The following PCDH12 variants were observed in gnomAD, a reference collection of about 807,000 sequenced individuals.
PCDH12 encodes protocadherin 12, also known as protocadherin-12.
Under a neutral mutation model 70.9 loss-of-function variants are expected in PCDH12, and 45 were observed. The ratio of observed to expected loss-of-function variants is 0.63; its 90% confidence interval spans 0.50 to 0.81. The LOEUF is 0.81. PCDH12 is among the 40% of genes least tolerant of loss of function. The pLI, the probability that PCDH12 is intolerant of heterozygous loss-of-function variation, is 0.00. For missense variants in PCDH12, 1,370 were observed against 1,491.7 expected, an observed-to-expected ratio of 0.92 and a Z score of 1.34; for synonymous variants, 567 against 626.0, an observed-to-expected ratio of 0.91 and a Z score of 1.41.
intron 1 of PCDH12, among the ~76,000 whole-genome samples, chr5:141,951,936 A>G (rs1209341394): frequency 6.6e-6 from 1 of 152,230 alleles, no homozygotes; most frequent in Non-Finnish European, 1.5e-5. Flanking sequence ...TGTTACTTTG[A>G]TGAAGATTAT....
Position 141,949,525 on chromosome 5 carries a change from C to G in PCDH12, c.3037G>C (p.Glu1013Gln). The G allele has an allele frequency of 6.2e-7, 1 of 1,614,188 alleles. No homozygotes were observed. Among genetic ancestry groups the G allele is most frequent in the Non-Finnish European group, 8.5e-7 (1 of 1,180,032 alleles). ...GGATCCAAAGGCCCTTCCTCCTGTTCTGGGTCTGTCTGGCCTCCAGCCCTT... is the reference window on the plus strand; with the variant it reads ...GGATCCAAAGGCCCTTCCTCCTGTTGTGGGTCTGTCTGGCCTCCAGCCCTT... ...SARAGGQTDP[E>Q]QEEGPLDPEE... The change falls in exon 3 of 4, where the codon GAA becomes CAA. Residue 1013 changes from glutamate (E) to glutamine (Q), a missense_variant. By Grantham distance (29) the Glu-to-Gln change is conservative. Transcript: ENST00000231484.
chr5:141,957,500 G>A lies in PCDH12; in HGVS notation c.352C>T (p.Leu118=). 2 of 1,614,072 alleles carry A rather than the reference G, an allele frequency of 1.2e-6. No homozygotes were observed. Among genetic ancestry groups the A allele is most frequent in the East Asian group, 4.5e-5 (2 of 44,884 alleles). Residue 118 remains leucine (L), a synonymous_variant, in exon 1 of 4, where the codon CTG becomes TTG. Coordinates refer to ENST00000231484, the MANE Select transcript of PCDH12 (RefSeq NM_016580.4). The surrounding 1 kb of genome is among the most constrained non-coding windows in gnomAD (Gnocchi z 4.3). ...FDVLATGDLA[L]IHVEIQVLDI... is the part of the protein sequence containing the mutation. ...AGCACTTGGATCTCCACATGGATCA[G>A]AGCCAAATCCCCTGTGGCAAGCACA...
At chr5:141,948,649 C>T (rs115247752) in intron 3 of PCDH12, among the ~76,000 whole-genome samples, 1,586 of 152,276 alleles carry the variant, frequency 0.01, 30 homozygotes, top group African/African-American at 0.036. Flanking sequence ...ACACACCAAA[C>T]GCCAATGAGT....
At position 141,956,426 on chromosome 5, in the gene PCDH12, A is replaced by G; in HGVS notation, c.1426T>C (p.Ser476Pro). 6.2e-7 allele frequency: 1 copy of G among 1,614,110 alleles called. No homozygotes were observed. The highest frequency in any genetic ancestry group is 8.5e-7 in the Non-Finnish European group (1 of 1,180,020). ...EVSTRENNLP[S>P]LHLITIKAHD... ...GCCTTGATGGTAATGAGGTGAAGAGAGGGTAAGTTGTTTTCCCGCGTGGAG... is the reference window on the plus strand; with the variant it reads ...GCCTTGATGGTAATGAGGTGAAGAGGGGGTAAGTTGTTTTCCCGCGTGGAG... Residue 476 changes from serine (S) to proline (P), a missense_variant, in exon 1 of 4, where the codon TCT becomes CCT. By Grantham distance (74) the Ser-to-Pro change is moderately conservative (BLOSUM62 -1). Transcript: ENST00000231484.
chr5:141,945,905 G>C, intron 3 of PCDH12, 100 bp from the exon 4 acceptor site: 1 of 1,110,390 alleles, frequency 9.0e-7, no homozygotes, highest in Non-Finnish European at 1.3e-6. Flanking sequence ...GGACAAAGGA[G>C]GGAAGGGAAA....
Position 141,956,857 on chromosome 5 carries a change from A to T in PCDH12, c.995T>A (p.Ile332Asn), listed in dbSNP as rs146725009. 75 of 1,614,230 alleles carry T rather than the reference A, an allele frequency of 4.6e-5. No individual in the cohort carries two copies. In the East Asian group the frequency reaches 1.0e-3, roughly 23 times the overall value. Residue 332 changes from isoleucine to asparagine, a missense_variant, in exon 1 of 4, where the codon ATC (isoleucine) becomes AAC (asparagine). Ile to Asn is a moderately radical substitution (Grantham distance 149). Coordinates refer to ENST00000231484, the MANE Select transcript of PCDH12 (RefSeq NM_016580.4). ...VQARDLGPNP[I>N]PAHCKVLIKV... ...GATGAGAACTTTGCAATGGGCTGGG[A>T]TAGGATTGGGACCCAGGTCCCTTGC...
Position 141,949,426 on chromosome 5 carries a change from C to T in PCDH12, c.3130+6G>A, listed in dbSNP as rs760570780. 6.2e-7 allele frequency: 1 copy of T among 1,610,964 alleles called. No homozygotes were observed. Among genetic ancestry groups the T allele is most frequent in the Non-Finnish European group, 8.5e-7 (1 of 1,178,290 alleles). On this transcript the variant is annotated splice_donor_region_variant and intron_variant, in intron 3 of 3. Transcript: ENST00000231484. ...CAGGGTCAAGGTAACTCCAGGGGGT[C>T]CCTACCTGTGCTGGGGTCCAGCAGA...
In PCDH12 at chr5:141,956,069, G is replaced by A. The variant is rs1561536363; in HGVS notation, c.1783C>T (p.Pro595Ser). The A allele has an allele frequency of 1.2e-6, 2 of 1,614,208 alleles. No homozygotes were observed. The highest frequency in any genetic ancestry group is 1.7e-6 in the Non-Finnish European group (2 of 1,180,036). The change falls in exon 1 of 4, where the codon CCC (proline) becomes TCC (serine). Residue 595 changes from proline (P) to serine (S), a missense_variant. Transcript: ENST00000231484. ...TGHLLVPIET[P>S]NGLGPAGTDT... ...GTGCCCGCTGGGCCCAAGCCATTGG[G>A]AGTCTCGATGGGCACCAGCAGGTGG...
Position 141,955,254 on chromosome 5 carries a change from G to A in PCDH12, c.2598C>T (p.Pro866=), listed in dbSNP as rs148879785. ...RNASRENLNL[P]EPQPATGQPR... ...GCTGGCCTGTGGCAGGCTGGGGCTC[G>A]GGAAGGTTCAGGTTCTCCCGGGAGG... The change falls in exon 1 of 4, where the codon CCC becomes CCT. Residue 866 remains proline, a synonymous_variant. Transcript: ENST00000231484. This position sits in a 1 kb window ranked among gnomAD's most constrained non-coding sequence, Gnocchi z 5.5. 1.5e-5 allele frequency: 25 copies of A among 1,614,204 alleles called. No individual in the cohort carries two copies. The highest frequency in any genetic ancestry group is 1.2e-4 in the African/African-American group (9 of 75,042).
In PCDH12 at chr5:141,944,623, G is replaced by A. The variant is rs1276590940; in HGVS notation, c.*758C>T. 6.6e-6 allele frequency: 1 copy of A among 152,170 alleles called. No individual in the cohort carries two copies. The highest frequency in any genetic ancestry group is 1.5e-5 in the Non-Finnish European group (1 of 68,044). The allele number at this position is 152,170 out of a possible 1,614,324, so 9.4% of individuals were successfully genotyped here. A position where few individuals can be genotyped will look rare whatever the true frequency, so the allele number is the denominator to read the frequency against. On this transcript the variant is annotated 3_prime_UTR_variant, in exon 4 of 4. Transcript: ENST00000231484. ...TGACCTCTCCAAGCCCCATATCCGTGTCTGTGAAATGGGGTTAATAATACC... is the reference window on the plus strand; with the variant it reads ...TGACCTCTCCAAGCCCCATATCCGTATCTGTGAAATGGGGTTAATAATACC...
chr5:141,955,964 C>T lies in PCDH12; in HGVS notation c.1888G>A (p.Ala630Thr). Reference protein sequence around the residue: ...TIVARDADSGANGEPLYSIRS... With the variant: ...TIVARDADSGTNGEPLYSIRS... Reference sequence around the variant, plus strand: ...ATGCTGTAGAGGGGCTCTCCATTTGCCCCCGAGTCTGCATCTCTTGCCACA... The same window carrying T: ...ATGCTGTAGAGGGGCTCTCCATTTGTCCCCGAGTCTGCATCTCTTGCCACA... The change falls in exon 1 of 4, where the codon GCA (alanine) becomes ACA (threonine). Residue 630 changes from alanine to threonine, a missense_variant. Coordinates refer to ENST00000231484, the MANE Select transcript of PCDH12 (RefSeq NM_016580.4). The surrounding 1 kb of genome is among the most constrained non-coding windows in gnomAD (Gnocchi z 5.5). 6 of 1,614,122 alleles carry T rather than the reference C, an allele frequency of 3.7e-6. No individual in the cohort carries two copies. The highest frequency in any genetic ancestry group is 5.1e-6 in the Non-Finnish European group (6 of 1,180,002).
At position 141,957,509 on chromosome 5, in the gene PCDH12, C is replaced by A; in HGVS notation, c.343G>T (p.Asp115Tyr). 6.2e-7 allele frequency: 1 copy of A among 1,614,096 alleles called. No homozygotes were observed. The highest frequency in any genetic ancestry group is 1.1e-5 in the South Asian group (1 of 91,072). The part of the protein sequence containing the change: ...LVSFDVLATG[D>Y]LALIHVEIQV... ...ATCTCCACATGGATCAGAGCCAAAT[C>A]CCCTGTGGCAAGCACATCAAAGGAA... The change falls in exon 1 of 4, where the codon GAT (aspartate) becomes TAT (tyrosine). Residue 115 changes from aspartate (D) to tyrosine (Y), a missense_variant. Coordinates refer to ENST00000231484, the MANE Select transcript of PCDH12 (RefSeq NM_016580.4). This position sits in a 1 kb window ranked among gnomAD's most constrained non-coding sequence, Gnocchi z 4.3.
chr5:141,954,293 C>T (rs1295728564), intron 1 of PCDH12, among the ~76,000 whole-genome samples: 3 of 152,190 alleles, frequency 2.0e-5, no homozygotes, highest in South Asian at 2.1e-4. Context: ...TTATTTGCAA[C>T]ACCTGGGTTT....
In PCDH12 at chr5:141,944,529, G is replaced by T. The variant is rs1752855518; in HGVS notation, c.*852C>A. On this transcript the variant is annotated 3_prime_UTR_variant, in exon 4 of 4. Transcript: ENST00000231484. ...GTCAAGGTTGAAGGCATGGGTTTTGGTGTTGGCCCAGCCTGGGTCCAAATC... is the reference window on the plus strand; with the variant it reads ...GTCAAGGTTGAAGGCATGGGTTTTGTTGTTGGCCCAGCCTGGGTCCAAATC... The T allele has an allele frequency of 6.6e-6, 1 of 152,198 alleles. No homozygotes were observed. Among genetic ancestry groups the T allele is most frequent in the South Asian group, 2.1e-4 (1 of 4,826 alleles). The allele number at this position is 152,198 out of a possible 1,614,324, so 9.4% of individuals were successfully genotyped here.
chr5:141,952,586 C>A (rs1192246288), intron 1 of PCDH12: 1 of 152,142 alleles, frequency 6.6e-6, no homozygotes, highest in East Asian at 1.9e-4. Context: ...CACGGCCAGA[C>A]CCTATAGGCC....
At chr5:141,947,052 A>C (rs540205014) in intron 3 of PCDH12, among the ~76,000 whole-genome samples, 10 of 152,198 alleles carry the variant, frequency 6.6e-5, no homozygotes, top group Non-Finnish European at 1.2e-4. Flanking sequence ...GAAGCAATCC[A>C]TTCTCTTTTT....
rs1163310208 is a variant in PCDH12, at chr5:141,955,983, T to C, written c.1869A>G (p.Ala623=). ...CATTTGCCCCCGAGTCTGCATCTCT[T>C]GCCACAATGGTTGTCAAAAGGAATG... The part of the protein sequence containing the change: ...SRPFLLTTIV[A]RDADSGANGE... Residue 623 remains alanine (A), a synonymous_variant, in exon 1 of 4, where the codon GCA becomes GCG. Coordinates refer to ENST00000231484, the MANE Select transcript of PCDH12 (RefSeq NM_016580.4). The surrounding 1 kb of genome is among the most constrained non-coding windows in gnomAD (Gnocchi z 5.5). 1.7e-5 allele frequency: 28 copies of C among 1,614,074 alleles called. No individual in the cohort carries two copies. Among genetic ancestry groups the C allele is most frequent in the Non-Finnish European group, 2.2e-5 (26 of 1,180,048 alleles).
In PCDH12 at chr5:141,957,471, G is replaced by C. The variant is rs770280812; in HGVS notation, c.381C>G (p.Asp127Glu). The C allele has an allele frequency of 2.5e-6, 4 of 1,612,948 alleles. No homozygotes were observed. The East Asian group carries it at 8.9e-5, about 36-fold the overall frequency. Residue 127 changes from aspartate to glutamate, a missense_variant, in exon 1 of 4, where the codon GAC becomes GAG. Transcript: ENST00000231484. The surrounding 1 kb of genome is among the most constrained non-coding windows in gnomAD (Gnocchi z 4.3). ...GAAACCGTGGCTGGTGGTCATTGAT[G>C]TCCAGCACTTGGATCTCCACATGGA... ...ALIHVEIQVL[D>E]INDHQPRFPK...
In PCDH12 at chr5:141,945,628, G is replaced by C. The variant is rs768111243; in HGVS notation, c.3308C>G (p.Thr1103Arg). The part of the protein sequence containing the change: ...AEAPELSPTG[T>R]RLASTFVSEM... ...CGAGACAAAGGTGCTGGCCAGCCTCGTGCCTGTTGGGCTCAGCTCTGGTGC... is the reference window on the plus strand; with the variant it reads ...CGAGACAAAGGTGCTGGCCAGCCTCCTGCCTGTTGGGCTCAGCTCTGGTGC... Residue 1103 changes from threonine (T) to arginine (R), a missense_variant, in exon 4 of 4, where the codon ACG becomes AGG. Thr to Arg is a moderately conservative substitution (Grantham distance 71). Transcript: ENST00000231484. The C allele has an allele frequency of 6.2e-7, 1 of 1,614,178 alleles. No individual in the cohort carries two copies. The highest frequency in any genetic ancestry group is 8.5e-7 in the Non-Finnish European group (1 of 1,180,026).
Sources: gnomAD v4.1 joint callset for allele counts (sites outside exome capture counted in the v4.1 genomes callset) on GRCh38, gnomAD v4.1.1 for gene constraint, Gnocchi (gnomAD v3.1) non-coding constraint, MANE v1.5 for transcripts, NCBI Gene and HGNC (gene_info 2026-07-23, HGNC 2026-07-21) for gene names.